The following FKBP5 variants were observed in gnomAD, a reference collection of about 807,000 sequenced individuals.
The protein encoded by FKBP5 is FKBP prolyl isomerase 5, also known as peptidyl-prolyl cis-trans isomerase FKBP5.
A neutral mutation model predicts 50.5 loss-of-function variants in FKBP5; 23 were observed. The ratio of observed to expected loss-of-function variants is 0.46; its 90% CI spans 0.33 to 0.65. The LOEUF (loss-of-function observed/expected upper bound fraction) is 0.65. FKBP5 is among the 30% of genes least tolerant of loss of function. The pLI, the probability that FKBP5 is intolerant of heterozygous loss-of-function variation, is 0.02. For missense variants in FKBP5, 411 were observed against 553.1 expected (o/e 0.74, Z 2.58); for synonymous variants, 176 against 190.6 (o/e 0.92, Z 0.63).
At chr6:35,577,852 G>A (rs1362402532) in intron 9 of FKBP5, among the ~76,000 whole-genome samples, 2 of 152,084 alleles carry the variant, frequency 1.3e-5, no homozygotes, top group African/African-American at 4.8e-5. Context: ...TGAGGAGTTC[G>A]AGACCAGCCT....
At chr6:35,583,230 T>C (rs972332498) in intron 8 of FKBP5, 3 of 985,408 alleles carry the variant, frequency 3.0e-6, no homozygotes, top group Non-Finnish European at 2.4e-6. Context: ...TCATCCTCTC[T>C]CCTCCTCCCT....
chr6:35,670,725 C>A (rs2151004388), intron 1 of FKBP5, among the ~76,000 whole-genome samples: 1 of 147,508 alleles, frequency 6.8e-6, no homozygotes, highest in Admixed American at 6.7e-5. Context: ...AAGCAAGACT[C>A]CATCTCAAAA....
At chr6:35,702,466 T>G (rs1766207214) in intron 2 of FKBP5, among the ~76,000 whole-genome samples, 1 of 151,828 alleles carries the variant, frequency 6.6e-6, no homozygotes. Context: ...ATTTTTTTTT[T>G]TTTTGAGACG....
At chr6:35,652,439 A>G (rs1764829882) in intron 1 of FKBP5, among the ~76,000 whole-genome samples, 2 of 152,210 alleles carry the variant, frequency 1.3e-5, no homozygotes, top group African/African-American at 2.4e-5. Context: ...CTCAGCATGG[A>G]AAGTCCCTGA....
At chr6:35,576,600 T>C (rs1439375208) in intron 10 of FKBP5, among the ~76,000 whole-genome samples, 1 of 145,668 alleles carries the variant, frequency 6.9e-6, no homozygotes, top group Non-Finnish European at 1.5e-5. Flanking sequence ...TCCAGAGAAG[T>C]CAAGGCTGCA....
At chr6:35,644,611 TC>T (rs780263594) in intron 1 of FKBP5, among the ~76,000 whole-genome samples, 4 of 152,138 alleles carry the variant, frequency 2.6e-5, no homozygotes, top group Non-Finnish European at 4.4e-5. Context: ...AATGTTTGGC[TC>T]AGGATAAGCG....
intron 5 of FKBP5, among the ~76,000 whole-genome samples, chr6:35,602,504 A>G (rs952994828): frequency 1.3e-5 from 2 of 152,056 alleles, no homozygotes; most frequent in Admixed American, 6.6e-5. Context: ...ACTCCCACTG[A>G]GCAAGAGTTT....
intron 1 of FKBP5, among the ~76,000 whole-genome samples, chr6:35,678,330 C>T (rs1236645080): frequency 6.6e-6 from 1 of 152,024 alleles, no homozygotes; most frequent in Non-Finnish European, 1.5e-5. Flanking sequence ...AATATTTAGA[C>T]CTCAAGTTTA....
At chr6:35,694,593 G>A (rs2151016938) in intron 2 of FKBP5, among the ~76,000 whole-genome samples, 1 of 152,188 alleles carries the variant, frequency 6.6e-6, no homozygotes, top group South Asian at 2.1e-4. Flanking sequence ...GGCATCTAGG[G>A]GCACCAGCAG....
chr6:35,635,262 C>T (rs1000806322), intron 3 of FKBP5, among the ~76,000 whole-genome samples: 16 of 151,932 alleles, frequency 1.1e-4, no homozygotes, highest in African/African-American at 3.1e-4. Flanking sequence ...GCTTGAACCT[C>T]GGAAGTGGAG....
Position 35,700,540 on chromosome 6 carries a change from AT to A in FKBP5, c.-20+19787del, listed in dbSNP as rs538918161. ...CCCGAACTCCAAATTCATACCCTTA[AT>A]CCCAAGAAGCTTTCAAAGGTATGGC... On this transcript the variant is annotated intron_variant, in intron 2 of 11. Coordinates refer to the FKBP5 transcript ENST00000536438. Among the ~76,000 whole-genome samples, 413 of 152,300 alleles carry A rather than the reference AT, an allele frequency of 2.7e-3. 3 individuals carry two copies. The highest frequency in any genetic ancestry group is 7.0e-3 in the African/African-American group (292 of 41,574).
chr6:35,704,436 A>G (rs1017473365), intron 2 of FKBP5, among the ~76,000 whole-genome samples: 1 of 152,168 alleles, frequency 6.6e-6, no homozygotes, highest in Non-Finnish European at 1.5e-5. Context: ...ACACCTCAAG[A>G]GGAAAGAATG....
chr6:35,689,872 G>T (rs868378326), upstream of FKBP5, among the ~76,000 whole-genome samples: 1 of 151,978 alleles, frequency 6.6e-6, no homozygotes. Flanking sequence ...GAGTTCTTCC[G>T]CCAACTCCGA....
intron 1 of FKBP5, among the ~76,000 whole-genome samples, chr6:35,683,804 C>A (rs1485806148): frequency 1.3e-5 from 2 of 152,020 alleles, no homozygotes; most frequent in African/African-American, 4.8e-5. Context: ...GTAATCCCAG[C>A]ACTTTGGGAG....
At chr6:35,585,673 C>T in intron 8 of FKBP5, 1 of 934,538 alleles carries the variant, frequency 1.1e-6, no homozygotes, top group Non-Finnish European at 1.3e-6. Context: ...TTATCTAAAC[C>T]CATGATTTAA....
At chr6:35,688,696 T>A (rs1765910957) in intron 1 of FKBP5, 108 bp downstream of exon 1, 1 of 149,798 alleles carries the variant, frequency 6.7e-6, no homozygotes, top group South Asian at 2.1e-4. Context: ...CGCGTGGGGG[T>A]GGGAGCTGAG....
At position 35,638,608 on chromosome 6, in the gene FKBP5, A is replaced by T. The variant is rs985185448; in HGVS notation, c.106-1450T>A. Among the ~76,000 whole-genome samples, 6 of 151,794 alleles carry T rather than the reference A, an allele frequency of 4.0e-5. No individual in the cohort carries two copies. In the East Asian group the frequency reaches 5.8e-4, roughly 15 times the overall value. On this transcript the variant is annotated intron_variant, in intron 2 of 10. Coordinates refer to ENST00000357266, the MANE Select transcript of FKBP5 (RefSeq NM_004117.4). ...AATTTTTTTATTTTTAGTAGAGATG[A>T]GATCTTGCTACATTGCCCAGGCTGG...
At chr6:35,714,790 G>A (rs1766483600) in intron 2 of FKBP5, among the ~76,000 whole-genome samples, 1 of 146,710 alleles carries the variant, frequency 6.8e-6, no homozygotes, top group Admixed American at 6.8e-5. Flanking sequence ...CTCCAGCCTA[G>A]GCAACAAGAG....
chr6:35,585,674 C>G (rs1198386214), intron 8 of FKBP5: 1 of 936,356 alleles, frequency 1.1e-6, no homozygotes, highest in African/African-American at 1.8e-5. Flanking sequence ...TATCTAAACC[C>G]ATGATTTAAA....
Sources: allele counts gnomAD v4.1 joint callset (sites outside exome capture counted in the v4.1 genomes callset), GRCh38; gene constraint gnomAD v4.1.1; transcripts MANE v1.5; gene names NCBI Gene and HGNC (gene_info 2026-07-23, HGNC 2026-07-21).